Variants in MTF1 observed in about 807,000 individuals in gnomAD.
MTF1 encodes metal regulatory transcription factor 1.
MTF1 carries 22 observed loss-of-function variants against 70.4 expected under a neutral mutation model. The observed-to-expected ratio is 0.31, with a 90% CI of 0.22 to 0.45. MTF1 has a LOEUF of 0.45. Ranked by LOEUF, MTF1 falls within the 20% of genes least tolerant of loss-of-function variation. The pLI is 1.00. For synonymous variants in MTF1, 333 were observed against 352.8 expected (o/e 0.94, Z 0.63); for missense variants, 649 against 922.0 (o/e 0.70, Z 3.83).
chr1:37,834,884 A>T (rs767308803), intron 6 of MTF1, among the ~76,000 whole-genome samples, 195 bp downstream of exon 6: 3 of 152,250 alleles, frequency 2.0e-5, no homozygotes, highest in Admixed American at 2.0e-4. Context: ...GTTAAGTTTG[A>T]CAAGAGTAGA....
intron 2 of MTF1, among the ~76,000 whole-genome samples, chr1:37,846,789 G>GA (rs1641339299): frequency 6.6e-6 from 1 of 151,994 alleles, no homozygotes; most frequent in African/African-American, 2.4e-5. Flanking sequence ...AAAGAAAAAA[G>GA]AAAAAAGGCT....
rs746510589 is a variant in MTF1, at chr1:37,838,696, G to A, written c.708C>T (p.Cys236=). ...GKTFNCESEG[C]SKYFTTLSDL... The stretch of plus-strand genomic sequence containing the variant: ...CACTGAGTGTGGTGAAGTATTTGCT[G>A]CAGCCTTCAGATTCACAGTTAAACG... Residue 236 remains cysteine, a synonymous_variant, in exon 4 of 11, where the codon TGC becomes TGT. Coordinates refer to ENST00000373036, the MANE Select transcript of MTF1 (RefSeq NM_005955.3). The A allele has an allele frequency of 2.7e-5, 44 of 1,611,362 alleles. No individual in the cohort carries two copies. In the South Asian group the frequency reaches 3.5e-4, roughly 13 times the overall value.
intron 4 of MTF1, among the ~76,000 whole-genome samples, chr1:37,836,934 C>T (rs1035574257): frequency 3.3e-5 from 4 of 119,992 alleles, no homozygotes; most frequent in Non-Finnish European, 6.8e-5. Flanking sequence ...CAGCAGCCTA[C>T]GGGAAGGGGG....
chr1:37,843,289 C>G (rs529021191), intron 2 of MTF1, among the ~76,000 whole-genome samples: 17 of 151,980 alleles, frequency 1.1e-4, no homozygotes, highest in Non-Finnish European at 1.9e-4. Context: ...GGTTAAGCCA[C>G]CACGCCTGGC....
At chr1:37,838,797 C>CATTTTTTTTTTTTTTTTTTTTTT in intron 3 of MTF1, 41 bp from the exon 4 acceptor site, 1 of 473,684 alleles carries the variant, frequency 2.1e-6, no homozygotes, top group Non-Finnish European at 2.9e-6. Flanking sequence ...TCATAAAATT[C>CATTTTTTTTTTTTTTTTTTTTTT]TTTTTTTTTT....
chr1:37,841,066 C>A, intron 2 of MTF1: 2 of 194,856 alleles, frequency 1.0e-5, no homozygotes, highest in East Asian at 1.4e-4. Context: ...TCTCCCTGCC[C>A]ATTAAGGAGT....
intron 7 of MTF1, among the ~76,000 whole-genome samples, chr1:37,825,950 G>C (rs1292493350): frequency 6.6e-6 from 1 of 152,124 alleles, no homozygotes; most frequent in Non-Finnish European, 1.5e-5. Context: ...CTCAGTTTTG[G>C]GGGAGTCAAA....
intron 2 of MTF1, among the ~76,000 whole-genome samples, chr1:37,843,445 G>C (rs903506054): frequency 6.6e-6 from 1 of 152,156 alleles, no homozygotes; most frequent in East Asian, 1.9e-4. Context: ...CCTCAGGTAG[G>C]AGAGGGACAT....
At chr1:37,820,656 A>G (rs533573636) in intron 9 of MTF1, among the ~76,000 whole-genome samples, 1 of 152,240 alleles carries the variant, frequency 6.6e-6, no homozygotes, top group East Asian at 1.9e-4. Flanking sequence ...AAGGAATTTT[A>G]AAAAATGTGA....
rs773309404 is a variant in MTF1 at position 37,840,177 on chromosome 1, C to T, written c.409-19G>A. The T allele has an allele frequency of 2.5e-6, 4 of 1,611,204 alleles. No homozygotes were observed. The Admixed American group carries it at 6.7e-5, about 27-fold the overall frequency. ...GCTTTACCTGGCAGAGAAAAGATACCTCATCAACAGGACAAAAATGCTGCC... is the reference window on the plus strand; with the variant it reads ...GCTTTACCTGGCAGAGAAAAGATACTTCATCAACAGGACAAAAATGCTGCC... On this transcript the variant is annotated intron_variant, in intron 2 of 10. Coordinates refer to ENST00000373036, the MANE Select transcript of MTF1 (RefSeq NM_005955.3). This position sits in a 1 kb window ranked among gnomAD's most constrained non-coding sequence, Gnocchi z 4.5.
chr1:37,840,524 T>G lies in MTF1; in HGVS notation c.409-366A>C. 2.2e-6 allele frequency: 1 copy of G among 463,430 alleles called. No homozygotes were observed. Among genetic ancestry groups the G allele is most frequent in the South Asian group, 1.6e-5 (1 of 64,084 alleles). 28.7% of individuals were successfully genotyped at this position (463,430 alleles called of 1,614,324 possible). A position where few individuals can be genotyped will look rare whatever the true frequency, so the allele number is the denominator to read the frequency against. ...TAAGGCTTGACTAAACACCCTGACC[T>G]CCAGAACTACAACTTGATTGGAATT... On this transcript the variant is annotated intron_variant, in intron 2 of 10. Coordinates refer to ENST00000373036, the MANE Select transcript of MTF1 (RefSeq NM_005955.3). This position sits in a 1 kb window ranked among gnomAD's most constrained non-coding sequence, Gnocchi z 4.5.
intron 1 of MTF1, among the ~76,000 whole-genome samples, 185 bp downstream of exon 1, chr1:37,859,346 G>C (rs546977026): frequency 6.6e-6 from 1 of 152,260 alleles, no homozygotes; most frequent in Non-Finnish European, 1.5e-5. Flanking sequence ...AGAGGGGCAG[G>C]GTCCGGGTCT....
At chr1:37,821,215 A>G (rs1047959464) in intron 9 of MTF1, among the ~76,000 whole-genome samples, 3 of 151,868 alleles carry the variant, frequency 2.0e-5, no homozygotes, top group Admixed American at 6.6e-5. Context: ...GGGTGGGGAA[A>G]GGGTTTATGG....
intron 2 of MTF1, among the ~76,000 whole-genome samples, chr1:37,848,290 A>G (rs1415642911): frequency 6.6e-6 from 1 of 152,222 alleles, no homozygotes; most frequent in East Asian, 1.9e-4. Flanking sequence ...TATACATATT[A>G]CATATGAATA....
rs74067336 is a variant in MTF1 at position 37,851,318 on chromosome 1, A to G, written c.408+5933T>C. 4.2e-3 allele frequency among the ~76,000 whole-genome samples: 644 copies of G among 152,368 alleles called. 2 individuals carry two copies. Among genetic ancestry groups the G allele is most frequent in the African/African-American group, 0.014 (588 of 41,582 alleles). On this transcript the variant is annotated intron_variant, in intron 2 of 10. Coordinates refer to ENST00000373036, the MANE Select transcript of MTF1 (RefSeq NM_005955.3). Reference sequence around the variant, plus strand: ...GAGCTAAATCCCCAGCAAACTGAACAAAGTGCTCATAATATCCTTGACCCT... The same window carrying G: ...GAGCTAAATCCCCAGCAAACTGAACGAAGTGCTCATAATATCCTTGACCCT...
chr1:37,822,024 A>G, intron 9 of MTF1, 97 bp downstream of exon 9: 1 of 957,328 alleles, frequency 1.0e-6, no homozygotes, highest in East Asian at 2.5e-5. Context: ...CACGGTGGAT[A>G]TGACAGCCAC....
chr1:37,812,005 T>TC lies in MTF1; in HGVS notation c.*3130dup, dbSNP rs1339012591. The stretch of plus-strand genomic sequence containing the variant: ...GGTGCCAGCCAGTTTCCTTACCACC[T>TC]CCTAAGTCCATGAACCCCAATCCCT... On this transcript the variant is annotated 3_prime_UTR_variant, in exon 11 of 11. Coordinates refer to ENST00000373036, the MANE Select transcript of MTF1 (RefSeq NM_005955.3). The TC allele has an allele frequency of 6.6e-6, 1 of 152,636 alleles. No homozygotes were observed. The highest frequency in any genetic ancestry group is 1.5e-5 in the Non-Finnish European group (1 of 68,050). 9.5% of individuals were successfully genotyped at this position (152,636 alleles called of 1,614,324 possible).
At chr1:37,817,514 C>G (rs1331012261) in intron 9 of MTF1, 32 bp from the exon 10 acceptor site, 1 of 1,500,586 alleles carries the variant, frequency 6.7e-7, no homozygotes, top group South Asian at 1.1e-5. Context: ...TCATTTATAG[C>G]CACTGTAATA....
intron 1 of MTF1, 61 bp downstream of exon 1, chr1:37,859,470 C>T (rs1641568927): frequency 2.5e-6 from 1 of 398,704 alleles, no homozygotes; most frequent in Non-Finnish European, 4.4e-6. Context: ...CAGGAGGGAG[C>T]CTAAGTCCCG....
Sources: gnomAD v4.1 joint callset for allele counts (sites outside exome capture counted in the v4.1 genomes callset) on GRCh38, gnomAD v4.1.1 for gene constraint, Gnocchi (gnomAD v3.1) non-coding constraint, MANE v1.5 for transcripts, NCBI Gene and HGNC (gene_info 2026-07-23, HGNC 2026-07-21) for gene names.